Variants in KANK1 observed in about 807,000 individuals in gnomAD.
KANK1 encodes KN motif and ankyrin repeat domain-containing protein 1.
Under a neutral mutation model 106.2 loss-of-function variants are expected in KANK1, and 109 were observed. The observed-to-expected ratio is 1.03, with a 90% CI of 0.88 to 1.20. The LOEUF is 1.20. Ranked by LOEUF, KANK1 falls within the 50% of genes most tolerant of loss-of-function variation. KANK1 has a pLI of 0.00. For missense variants in KANK1, 2,399 were observed against 1,710.7 expected (o/e 1.40, Z -7.10); for synonymous variants, 873 against 652.2 (o/e 1.34, Z -5.16).
rs550741843 is a variant in KANK1, at chr9:558,038, A to G, written c.-84+53284A>G. Among the ~76,000 whole-genome samples the G allele has an allele frequency of 2.6e-5, 4 of 152,226 alleles. No homozygotes were observed. The South Asian group carries it at 6.2e-4, about 24-fold the overall frequency. On this transcript the variant is annotated intron_variant, in intron 1 of 11. Coordinates refer to ENST00000382297, the MANE Select transcript of KANK1 (RefSeq NM_015158.5). ...CAAACAAACCTATACGAACAATGGT[A>G]GGAATGTCAAGGAACCCAGGAGTGA...
At chr9:651,951 G>A (rs572232990) in intron 1 of KANK1, among the ~76,000 whole-genome samples, 5 of 152,268 alleles carry the variant, frequency 3.3e-5, no homozygotes, top group African/African-American at 7.2e-5. Context: ...TTGAAACATT[G>A]TTTTGAGGAT....
At chr9:481,049 G>A (rs932228597) in intron 3 of KANK1, among the ~76,000 whole-genome samples, 3 of 152,294 alleles carry the variant, frequency 2.0e-5, no homozygotes, top group African/African-American at 7.2e-5. Context: ...CACATGCTCA[G>A]AACACTTACA....
At chr9:732,881 C>T (rs967225693) in intron 6 of KANK1, 4 of 305,158 alleles carry the variant, frequency 1.3e-5, no homozygotes, top group African/African-American at 2.1e-5. Flanking sequence ...AACCACAATC[C>T]ACTAAAACTT....
intron 1 of KANK1, among the ~76,000 whole-genome samples, chr9:590,349 C>A (rs1824542974): frequency 6.6e-6 from 1 of 152,060 alleles, no homozygotes; most frequent in African/African-American, 2.4e-5. Flanking sequence ...GGCAGGTGCT[C>A]CCCAAAGTCC....
At chr9:687,136 A>T (rs1337928831) in intron 2 of KANK1, among the ~76,000 whole-genome samples, 1 of 152,096 alleles carries the variant, frequency 6.6e-6, no homozygotes, top group Non-Finnish European at 1.5e-5. Flanking sequence ...CAGTGAGTTC[A>T]TTCATTCAGT....
At chr9:741,964 C>G (rs1835701175) in intron 9 of KANK1, among the ~76,000 whole-genome samples, 3 of 152,324 alleles carry the variant, frequency 2.0e-5, no homozygotes, top group South Asian at 2.1e-4. Flanking sequence ...GCCCCTTACT[C>G]TACTGAGACA....
intron 1 of KANK1, among the ~76,000 whole-genome samples, chr9:648,968 A>T (rs10975576): frequency 0.12 from 17,838 of 152,196 alleles, 1,420 homozygotes; most frequent in Non-Finnish European, 0.16. Context: ...GGAGACTCTC[A>T]TTCCAGAAAT....
intron 3 of KANK1, among the ~76,000 whole-genome samples, chr9:722,865 G>C (rs1000790331): frequency 5.9e-5 from 9 of 152,176 alleles, no homozygotes; most frequent in African/African-American, 2.2e-4. Context: ...TAAGAATGTA[G>C]CAGGGAGGAA....
At chr9:506,281 G>T (rs1341299235) in intron 1 of KANK1, among the ~76,000 whole-genome samples, 1 of 152,136 alleles carries the variant, frequency 6.6e-6, no homozygotes, top group East Asian at 1.9e-4. Context: ...TCTGTTACTA[G>T]GTTTGGGGAA....
At chr9:662,291 A>G (rs566035799) in intron 1 of KANK1, among the ~76,000 whole-genome samples, 2 of 152,324 alleles carry the variant, frequency 1.3e-5, no homozygotes, top group East Asian at 3.9e-4. Context: ...CCATCAAGCT[A>G]CCAATGACTT....
intron 5 of KANK1, 156 bp from the exon 6 acceptor site, chr9:732,222 G>A: frequency 1.3e-6 from 1 of 785,534 alleles, no homozygotes; most frequent in African/African-American, 1.7e-5. Flanking sequence ...AAACCACCAG[G>A]CATTTAAATA....
At chr9:617,732 A>G (rs1270088559) in intron 1 of KANK1, among the ~76,000 whole-genome samples, 1 of 152,248 alleles carries the variant, frequency 6.6e-6, no homozygotes, top group Non-Finnish European at 1.5e-5. Context: ...CTCAGCAGAC[A>G]TTCCGATCAG....
At position 730,045 on chromosome 9, in the gene KANK1, T is replaced by C. The variant is rs1042801161; in HGVS notation, c.2699-6T>C. On this transcript the variant is annotated splice_polypyrimidine_tract_variant and splice_region_variant and intron_variant, in intron 3 of 11. Coordinates refer to ENST00000382297, the MANE Select transcript of KANK1 (RefSeq NM_015158.5). ...ACACACTCTGTACCTTTCTTTTTCC[T>C]GATAGGCAATTATTTGGGATATACC... The C allele has an allele frequency of 1.9e-6, 3 of 1,613,544 alleles. No homozygotes were observed. Among genetic ancestry groups the C allele is most frequent in the African/African-American group, 2.7e-5 (2 of 75,010 alleles).
Position 728,442 on chromosome 9 carries a change from C to T in KANK1, c.2699-1609C>T, listed in dbSNP as rs779382016. Among the ~76,000 whole-genome samples the T allele has an allele frequency of 7.3e-4, 111 of 151,248 alleles. 1 individual carries two copies. Among genetic ancestry groups the T allele is most frequent in the Admixed American group, 6.6e-4 (10 of 15,212 alleles). Reference sequence around the variant, plus strand: ...CGGACTCTTGACCTCAGGTGATCCACCTGCCTTGGCCTCCCAAAGTGCTGG... The same window carrying T: ...CGGACTCTTGACCTCAGGTGATCCATCTGCCTTGGCCTCCCAAAGTGCTGG... On this transcript the variant is annotated intron_variant, in intron 3 of 11. Transcript: ENST00000382297.
chr9:670,978 T>TTTA (rs1491253952), intron 1 of KANK1, among the ~76,000 whole-genome samples: 1 of 102,914 alleles, frequency 9.7e-6, no homozygotes, highest in African/African-American at 3.2e-5. Context: ...TTTTTTTTTT[T>TTTA]ACTTCTCAGT....
intron 1 of KANK1, among the ~76,000 whole-genome samples, chr9:640,516 G>C (rs1055965422): frequency 1.3e-5 from 2 of 151,804 alleles, no homozygotes; most frequent in Non-Finnish European, 2.9e-5. Context: ...TTCCACCTCA[G>C]CCTCCTGAGT....
rs960576240 is a variant in KANK1 at position 581,116 on chromosome 9, C to G, written c.-84+76362C>G. Among the ~76,000 whole-genome samples, 5 of 152,156 alleles carry G rather than the reference C, an allele frequency of 3.3e-5. 1 individual carries two copies. The highest frequency in any genetic ancestry group is 3.3e-4 in the Admixed American group (5 of 15,288). On this transcript the variant is annotated intron_variant, in intron 1 of 11. Coordinates refer to ENST00000382297, the MANE Select transcript of KANK1 (RefSeq NM_015158.5). ...TGGCCTACCCAGAACTCCTGGCCCG[C>G]GAGCGTTGTGTGCAGCCCCAGTTCC...
intron 8 of KANK1, among the ~76,000 whole-genome samples, chr9:740,388 G>A (rs73639406): frequency 0.033 from 5,047 of 152,180 alleles, 118 homozygotes; most frequent in Middle Eastern, 0.061. Context: ...CCATACGTAA[G>A]CGTTTGCAAA....
At position 734,746 on chromosome 9, in the gene KANK1, AG is replaced by A. The variant is rs1370616853; in HGVS notation, c.3246del. On this transcript the variant is annotated splice_acceptor_variant, in intron 6 of 11. Coordinates refer to ENST00000382297, the MANE Select transcript of KANK1 (RefSeq NM_015158.5). LOFTEE classifies it high-confidence loss of function. ...ATCGTAACTTGTTTTTTCTCCTTTC[AG>A]GTATGAATTAAGTGAAAAGATGTTG... The A allele has an allele frequency of 6.3e-7, 1 of 1,591,684 alleles. No individual in the cohort carries two copies. The highest frequency in any genetic ancestry group is 8.6e-7 in the Non-Finnish European group (1 of 1,159,918).
Sources: gnomAD v4.1 joint callset for allele counts (sites outside exome capture counted in the v4.1 genomes callset) on GRCh38, gnomAD v4.1.1 for gene constraint, MANE v1.5 for transcripts, NCBI Gene and HGNC (gene_info 2026-07-23, HGNC 2026-07-21) for gene names.